Variants in PRUNE2 observed in about 807,000 individuals in gnomAD.
PRUNE2 encodes protein prune homolog 2.
PRUNE2 carries 164 observed loss-of-function variants against 252.0 expected under a neutral mutation model. The ratio of observed to expected loss-of-function variants is 0.65; its 90% CI spans 0.57 to 0.74. PRUNE2 has a LOEUF of 0.74. Ranked by LOEUF, PRUNE2 falls within the 30% of genes least tolerant of loss-of-function variation. The pLI, the probability that PRUNE2 is intolerant of heterozygous loss-of-function variation, is 0.00. For missense variants in PRUNE2, 3,495 were observed against 3,711.0 expected (o/e 0.94, Z 1.51); for synonymous variants, 1,292 against 1,350.2 (o/e 0.96, Z 0.94).
chr9:76,755,053 C>T (rs1248267617), intron 6 of PRUNE2, among the ~76,000 whole-genome samples: 2 of 149,764 alleles, frequency 1.3e-5, no homozygotes, highest in African/African-American at 4.9e-5. Context: ...TTTTTAATAT[C>T]ATTACTAATT....
intron 9 of PRUNE2, among the ~76,000 whole-genome samples, chr9:76,666,438 A>G (rs533288564): frequency 6.6e-6 from 1 of 152,284 alleles, no homozygotes; most frequent in South Asian, 2.1e-4. Flanking sequence ...CATCCTGTAC[A>G]CCAGGCTCTG....
In PRUNE2 at chr9:76,710,833, G is replaced by A. The variant is rs370273335; in HGVS notation, c.1441C>T (p.His481Tyr). The A allele has an allele frequency of 3.3e-5, 51 of 1,549,610 alleles. No homozygotes were observed. The highest frequency in any genetic ancestry group is 1.8e-4 in the Middle Eastern group (1 of 5,700). Reference protein sequence around the residue: ...PIPEGAVAEEHAWSGEHGEHF... With the variant: ...PIPEGAVAEEYAWSGEHGEHF... The stretch of plus-strand genomic sequence containing the variant: ...TCACCGTGTTCTCCAGACCATGCAT[G>A]TTCCTCCGCCACCGCCCCTTCAGGG... The change falls in exon 8 of 19, where the codon CAT becomes TAT. Residue 481 changes from histidine to tyrosine, a missense_variant. Transcript: ENST00000376718.
chr9:76,863,100 ATTAT>A (rs936553103), intron 1 of PRUNE2: 36 of 152,334 alleles, frequency 2.4e-4, no homozygotes, highest in African/African-American at 8.4e-4. Context: ...TAAATTTATA[ATTAT>A]TTATTTTTTG....
Position 76,612,567 on chromosome 9 carries a change from A to G in PRUNE2, c.*2003T>C, listed in dbSNP as rs917983442. Reference sequence around the variant, plus strand: ...GAGAGGTGTAATTTGGGCTTTCAAAAGTGGAGGTGGGCTGTGGGAGGGGGT... The same window carrying G: ...GAGAGGTGTAATTTGGGCTTTCAAAGGTGGAGGTGGGCTGTGGGAGGGGGT... On this transcript the variant is annotated 3_prime_UTR_variant, in exon 19 of 19. Transcript: ENST00000376718. 2.0e-5 allele frequency: 3 copies of G among 151,512 alleles called. No homozygotes were observed. The highest frequency in any genetic ancestry group is 7.3e-5 in the African/African-American group (3 of 41,286). The allele number at this position is 151,512 out of a possible 1,614,324, so 9.4% of individuals were successfully genotyped here. A position where few individuals can be genotyped will look rare whatever the true frequency, so the allele number is the denominator to read the frequency against.
At chr9:76,818,691 C>A (rs1323559313) in intron 6 of PRUNE2, among the ~76,000 whole-genome samples, 1 of 152,132 alleles carries the variant, frequency 6.6e-6, no homozygotes, top group Admixed American at 6.5e-5. Flanking sequence ...AGCTGAAAGT[C>A]CTCACCGTTC....
chr9:76,810,162 T>G (rs1481815045), intron 6 of PRUNE2, among the ~76,000 whole-genome samples: 2 of 152,228 alleles, frequency 1.3e-5, no homozygotes, highest in Non-Finnish European at 2.9e-5. Context: ...AAAAGAATGT[T>G]AATCTAAAAT....
intron 1 of PRUNE2, among the ~76,000 whole-genome samples, chr9:76,879,382 C>T (rs2061632728): frequency 6.6e-6 from 1 of 152,192 alleles, no homozygotes; most frequent in African/African-American, 2.4e-5. Flanking sequence ...CTATGCTATA[C>T]TCAACAACAT....
chr9:76,834,898 C>G (rs1045872241), intron 4 of PRUNE2, among the ~76,000 whole-genome samples: 1 of 152,134 alleles, frequency 6.6e-6, no homozygotes, highest in Non-Finnish European at 1.5e-5. Context: ...GCCAGAGACA[C>G]CTCTCAGCAA....
intron 1 of PRUNE2, among the ~76,000 whole-genome samples, chr9:76,874,666 A>T (rs1428885923): frequency 6.6e-6 from 1 of 152,234 alleles, no homozygotes; most frequent in Non-Finnish European, 1.5e-5. Flanking sequence ...TAAAGGAACC[A>T]GACATAAATT....
chr9:76,645,056 CTTGTT>C, intron 11 of PRUNE2, 147 bp from the exon 12 acceptor site: 1 of 684,386 alleles, frequency 1.5e-6, no homozygotes, highest in Non-Finnish European at 2.5e-6. Flanking sequence ...GATCAAAGTC[CTTGTT>C]TTGTACAGCC....
intron 4 of PRUNE2, among the ~76,000 whole-genome samples, chr9:76,846,173 G>A (rs564581221): frequency 3.0e-4 from 45 of 152,268 alleles, no homozygotes; most frequent in African/African-American, 9.9e-4. Flanking sequence ...TGGCATTCTC[G>A]TCCCTATCAT....
intron 1 of PRUNE2, among the ~76,000 whole-genome samples, chr9:76,891,070 C>G (rs1000769890): frequency 1.3e-5 from 2 of 152,204 alleles, no homozygotes; most frequent in African/African-American, 4.8e-5. Context: ...GTAGGGAGAT[C>G]TATGTGCTTC....
At chr9:76,647,503 TGAAA>T (rs1845431662) in intron 11 of PRUNE2, among the ~76,000 whole-genome samples, 2 of 150,104 alleles carry the variant, frequency 1.3e-5, no homozygotes, top group Admixed American at 1.4e-4. Context: ...GCATGATCCA[TGAAA>T]GAAATAATTG....
intron 9 of PRUNE2, among the ~76,000 whole-genome samples, chr9:76,677,913 C>T (rs556697673): frequency 1.3e-5 from 2 of 152,218 alleles, no homozygotes; most frequent in East Asian, 1.9e-4. Context: ...GATTTGCACT[C>T]GAGTGTTCCA....
chr9:76,843,962 A>C (rs550275520), intron 4 of PRUNE2, among the ~76,000 whole-genome samples: 10 of 152,268 alleles, frequency 6.6e-5, no homozygotes, highest in Middle Eastern at 3.4e-3. Flanking sequence ...TCCTGACCTT[A>C]AGTGATCTGC....
chr9:76,617,151 G>A (rs772774501), intron 18 of PRUNE2, among the ~76,000 whole-genome samples: 53 of 152,096 alleles, frequency 3.5e-4, no homozygotes, highest in Non-Finnish European at 5.9e-4. Context: ...TGTCTAACAC[G>A]TATTAAATGA....
At chr9:76,636,833 G>GT (rs1840273834) in intron 14 of PRUNE2, among the ~76,000 whole-genome samples, 1 of 152,144 alleles carries the variant, frequency 6.6e-6, no homozygotes, top group Non-Finnish European at 1.5e-5. Flanking sequence ...GTGCCCGCCT[G>GT]TAAGTCCTGG....
intron 18 of PRUNE2, among the ~76,000 whole-genome samples, chr9:76,618,739 G>A (rs765643477): frequency 1.3e-5 from 2 of 152,158 alleles, no homozygotes; most frequent in Non-Finnish European, 2.9e-5. Flanking sequence ...GTCTCTCCAT[G>A]CCTCTCTTTC....
chr9:76,675,745 A>T (rs539620251), intron 9 of PRUNE2, among the ~76,000 whole-genome samples: 3 of 123,842 alleles, frequency 2.4e-5, no homozygotes, highest in African/African-American at 5.7e-5. Flanking sequence ...ATAAAAAATG[A>T]TGAGTTCATG....
Sources: gnomAD v4.1 joint callset for allele counts (sites outside exome capture counted in the v4.1 genomes callset) on GRCh38, gnomAD v4.1.1 for gene constraint, MANE v1.5 for transcripts, NCBI Gene and HGNC (gene_info 2026-07-23, HGNC 2026-07-21) for gene names.